Variants in UNC5D observed in about 807,000 individuals in gnomAD.
UNC5D encodes the protein netrin receptor UNC5D.
A neutral mutation model predicts 105.4 loss-of-function variants in UNC5D; 39 were observed. That is an observed-to-expected ratio of 0.37 (90% confidence interval 0.29 to 0.48). The LOEUF is 0.48. UNC5D is among the 20% of genes least tolerant of loss of function. The pLI, the probability that UNC5D is intolerant of heterozygous loss-of-function variation, is 0.98. For synonymous variants in UNC5D, 452 were observed against 450.4 expected (o/e 1.00, Z -0.04); for missense variants, 991 against 1,202.4 (o/e 0.82, Z 2.60).
intron 1 of UNC5D, among the ~76,000 whole-genome samples, chr8:35,298,284 C>T (rs748604596): frequency 5.3e-5 from 8 of 152,198 alleles, no homozygotes; most frequent in Admixed American, 1.3e-4. Flanking sequence ...CTCCAGTTTT[C>T]TCCCACTCTT....
At chr8:35,333,898 A>G (rs1354207376) in intron 1 of UNC5D, among the ~76,000 whole-genome samples, 3 of 152,188 alleles carry the variant, frequency 2.0e-5, no homozygotes, top group Non-Finnish European at 4.4e-5. Context: ...AATTACCTAT[A>G]TTACTCAGTG....
At chr8:35,265,826 C>T (rs891976715) in intron 1 of UNC5D, among the ~76,000 whole-genome samples, 3 of 151,294 alleles carry the variant, frequency 2.0e-5, no homozygotes, top group Middle Eastern at 3.2e-3. Context: ...GCCAAGATCG[C>T]GCCACTGCAT....
At chr8:35,350,527 A>G (rs1318379971) in intron 1 of UNC5D, among the ~76,000 whole-genome samples, 2 of 152,038 alleles carry the variant, frequency 1.3e-5, no homozygotes, top group Non-Finnish European at 2.9e-5. Flanking sequence ...ATTCAACGAT[A>G]TATTTAGAGA....
chr8:35,297,549 C>T (rs1458970210), intron 1 of UNC5D, among the ~76,000 whole-genome samples: 1 of 152,042 alleles, frequency 6.6e-6, no homozygotes, highest in Non-Finnish European at 1.5e-5. Flanking sequence ...GCTAAGGAGC[C>T]AAAGGAACCT....
chr8:35,413,841 T>G (rs1206119338), intron 1 of UNC5D, among the ~76,000 whole-genome samples: 1 of 152,148 alleles, frequency 6.6e-6, no homozygotes, highest in Non-Finnish European at 1.5e-5. Context: ...GGTTGTTAGT[T>G]TTTCTAGTAG....
At chr8:35,597,554 G>C (rs548741000) in intron 4 of UNC5D, among the ~76,000 whole-genome samples, 5 of 152,172 alleles carry the variant, frequency 3.3e-5, no homozygotes, top group Non-Finnish European at 5.9e-5. Flanking sequence ...AGTGCCAGCT[G>C]TGTGAGTGTC....
intron 1 of UNC5D, among the ~76,000 whole-genome samples, chr8:35,490,887 AT>A (rs1811170010): frequency 6.6e-6 from 1 of 151,686 alleles, no homozygotes; most frequent in Non-Finnish European, 1.5e-5. Context: ...TTTTACCAAA[AT>A]TTTCTTTAAC....
intron 1 of UNC5D, among the ~76,000 whole-genome samples, chr8:35,463,438 G>A (rs1263402706): frequency 6.6e-6 from 1 of 152,148 alleles, no homozygotes; most frequent in African/African-American, 2.4e-5. Flanking sequence ...CTGAAGCCAG[G>A]CTACCTGAGT....
chr8:35,342,265 AAG>A (rs1350590148), intron 1 of UNC5D, among the ~76,000 whole-genome samples: 1 of 152,092 alleles, frequency 6.6e-6, no homozygotes, highest in Non-Finnish European at 1.5e-5. Context: ...GACAGACCAA[AAG>A]AGAGAAGAAT....
intron 1 of UNC5D, among the ~76,000 whole-genome samples, chr8:35,478,775 A>T (rs1482235125): frequency 6.6e-6 from 1 of 152,124 alleles, no homozygotes; most frequent in African/African-American, 2.4e-5. Context: ...GTATCTGAGG[A>T]AGCAAAAAGT....
chr8:35,241,040 G>T (rs535162646), intron 1 of UNC5D, among the ~76,000 whole-genome samples: 39 of 152,258 alleles, frequency 2.6e-4, no homozygotes, highest in Middle Eastern at 3.4e-3. Flanking sequence ...TGCATGTCTT[G>T]TATTTTTAGC....
intron 1 of UNC5D, among the ~76,000 whole-genome samples, chr8:35,335,124 C>T (rs1810925490): frequency 6.6e-6 from 1 of 152,096 alleles, no homozygotes; most frequent in Non-Finnish European, 1.5e-5. Flanking sequence ...TAGTTTGTTG[C>T]TTTTTCTTGC....
intron 2 of UNC5D, among the ~76,000 whole-genome samples, chr8:35,552,401 G>A (rs1816228218): frequency 6.6e-6 from 1 of 152,114 alleles, no homozygotes; most frequent in Non-Finnish European, 1.5e-5. Context: ...ATATTGACAA[G>A]TTTTCTTGCT....
At chr8:35,543,195 G>A (rs993777473) in intron 1 of UNC5D, among the ~76,000 whole-genome samples, 9 of 152,128 alleles carry the variant, frequency 5.9e-5, no homozygotes, top group Non-Finnish European at 7.3e-5. Flanking sequence ...ACAAATACCA[G>A]TATAGTGAAA....
At chr8:35,356,341 A>G (rs1412379093) in intron 1 of UNC5D, among the ~76,000 whole-genome samples, 3 of 151,890 alleles carry the variant, frequency 2.0e-5, no homozygotes, top group Non-Finnish European at 4.4e-5. Flanking sequence ...CTCCCTCCTT[A>G]TCTTTTGGGG....
At chr8:35,438,677 GC>G (rs1807191988) in intron 1 of UNC5D, among the ~76,000 whole-genome samples, 1 of 151,544 alleles carries the variant, frequency 6.6e-6, no homozygotes, top group Non-Finnish European at 1.5e-5. Flanking sequence ...TCTGGCCTTC[GC>G]ATAAATTTGC....
chr8:35,250,968 G>A (rs1277690340), intron 1 of UNC5D, among the ~76,000 whole-genome samples: 2 of 152,152 alleles, frequency 1.3e-5, no homozygotes. Flanking sequence ...TGAGAGCCAT[G>A]GATTTAATGC....
At chr8:35,527,835 C>A (rs915823529) in intron 1 of UNC5D, among the ~76,000 whole-genome samples, 1 of 151,992 alleles carries the variant, frequency 6.6e-6, no homozygotes, top group African/African-American at 2.4e-5. Flanking sequence ...CTTGGCCTCT[C>A]CTGTTTCTTC....
chr8:35,478,428 G>T (rs1013584534), intron 1 of UNC5D, among the ~76,000 whole-genome samples: 2 of 152,110 alleles, frequency 1.3e-5, no homozygotes, highest in Non-Finnish European at 2.9e-5. Flanking sequence ...TCATAAAAAG[G>T]TTGTGACATT....
Sources: allele counts gnomAD v4.1 joint callset (sites outside exome capture counted in the v4.1 genomes callset), GRCh38; gene constraint gnomAD v4.1.1; transcripts MANE v1.5; gene names NCBI Gene and HGNC (gene_info 2026-07-23, HGNC 2026-07-21).